Variants in ULK4 observed in about 807,000 individuals in gnomAD.
ULK4 encodes the protein unc-51 like kinase 4, also known as inactive serine/threonine-protein kinase ULK4.
ULK4 carries 133 observed loss-of-function variants against 160.6 expected under a neutral mutation model. The observed-to-expected ratio is 0.83, with a 90% CI of 0.72 to 0.96. The LOEUF is 0.96. Among genes scored for constraint, ULK4 ranks in the 40% least tolerant of loss-of-function variants. ULK4 has a pLI of 0.00. For missense variants in ULK4, 1,580 were observed against 1,499.5 expected (o/e 1.05, Z -0.89); for synonymous variants, 534 against 539.8 (o/e 0.99, Z 0.15).
At chr3:41,335,572 A>T (rs1010037175) in intron 35 of ULK4, among the ~76,000 whole-genome samples, 3 of 152,182 alleles carry the variant, frequency 2.0e-5, no homozygotes, top group Non-Finnish European at 4.4e-5. Flanking sequence ...CACTGATGAC[A>T]CAAGATATAA....
intron 22 of ULK4, among the ~76,000 whole-genome samples, chr3:41,729,838 A>G (rs144458611): frequency 2.0e-5 from 3 of 152,356 alleles, no homozygotes; most frequent in African/African-American, 7.2e-5. Flanking sequence ...AATACTGACT[A>G]TAGCTGAAAC....
intron 33 of ULK4, among the ~76,000 whole-genome samples, chr3:41,461,682 A>G (rs2083687433): frequency 6.6e-6 from 1 of 152,232 alleles, no homozygotes; most frequent in Admixed American, 6.5e-5. Flanking sequence ...TCCTTTCAAA[A>G]CATCCCTGAA....
intron 30 of ULK4, among the ~76,000 whole-genome samples, chr3:41,632,467 T>C (rs1482800125): frequency 6.6e-6 from 1 of 152,204 alleles, no homozygotes; most frequent in African/African-American, 2.4e-5. Context: ...ATTCACTTGA[T>C]AAACATTTGT....
In ULK4 at chr3:41,724,402, A is replaced by G. The variant is rs965755617; in HGVS notation, c.2322-6541T>C. 1.3e-5 allele frequency among the ~76,000 whole-genome samples: 2 copies of G among 152,154 alleles called. 1 individual carries two copies. The highest frequency in any genetic ancestry group is 4.1e-4 in the South Asian group (2 of 4,824). On this transcript the variant is annotated intron_variant, in intron 22 of 36. Transcript: ENST00000301831. ...GTTTTCTAAAGTGATCATTATGTCA[A>G]TTTATACTCCAACAGGTAGATATAA...
At chr3:41,826,751 G>A (rs79729571) in intron 18 of ULK4, among the ~76,000 whole-genome samples, 19,707 of 148,954 alleles carry the variant, frequency 0.13, 1,587 homozygotes, top group Admixed American at 0.21. Context: ...ACAGATCAAC[G>A]AGACAGAAAG....
chr3:41,379,071 G>T (rs990969242), intron 35 of ULK4, among the ~76,000 whole-genome samples: 1 of 151,956 alleles, frequency 6.6e-6, no homozygotes, highest in Non-Finnish European at 1.5e-5. Context: ...GGGAAGCAAG[G>T]GGAGGGCTGG....
At chr3:41,538,853 G>A (rs1450961841) in intron 32 of ULK4, among the ~76,000 whole-genome samples, 2 of 151,946 alleles carry the variant, frequency 1.3e-5, no homozygotes, top group Admixed American at 6.6e-5. Context: ...AAATGATGCT[G>A]TGTATGGTCT....
chr3:41,422,795 A>T (rs2082690903), intron 34 of ULK4, among the ~76,000 whole-genome samples: 1 of 152,200 alleles, frequency 6.6e-6, no homozygotes, highest in Non-Finnish European at 1.5e-5. Context: ...GTACTTATAA[A>T]ATAAAAACGT....
chr3:41,800,042 T>C, intron 20 of ULK4, 90 bp downstream of exon 20: 1 of 1,220,270 alleles, frequency 8.2e-7, no homozygotes, highest in Non-Finnish European at 1.1e-6. Flanking sequence ...TCCTATCTAT[T>C]AAATTAAATT....
In ULK4 at chr3:41,827,767, G is replaced by C. The variant is rs375782847; in HGVS notation, c.1764+8097C>G. 3.3e-5 allele frequency among the ~76,000 whole-genome samples: 5 copies of C among 152,116 alleles called. No individual in the cohort carries two copies. The East Asian group carries it at 7.7e-4, about 24-fold the overall frequency. ...CCTTCTGAAACTATTCCAATCAATA[G>C]AAAAAGAGGGAATCCTCCCTAACTC... On this transcript the variant is annotated intron_variant, in intron 18 of 36. Coordinates refer to ENST00000301831, the MANE Select transcript of ULK4 (RefSeq NM_017886.4).
chr3:41,806,399 T>C (rs971409238), intron 19 of ULK4, among the ~76,000 whole-genome samples: 7 of 152,186 alleles, frequency 4.6e-5, no homozygotes, highest in East Asian at 3.8e-4. Flanking sequence ...GTCTTGCTAG[T>C]GGTCTATCAG....
intron 18 of ULK4, among the ~76,000 whole-genome samples, chr3:41,832,825 G>T (rs922306853): frequency 8.5e-5 from 13 of 152,148 alleles, no homozygotes; most frequent in Non-Finnish European, 1.8e-4. Context: ...TGTCAGGTTT[G>T]TTGAAAATCA....
intron 7 of ULK4, among the ~76,000 whole-genome samples, chr3:41,918,060 C>T (rs1472003143): frequency 6.6e-6 from 1 of 151,898 alleles, no homozygotes; most frequent in Non-Finnish European, 1.5e-5. Context: ...ATAAGGGTAG[C>T]ATTCTGATTC....
At chr3:41,643,822 C>G (rs573073325) in intron 30 of ULK4, among the ~76,000 whole-genome samples, 95 of 152,256 alleles carry the variant, frequency 6.2e-4, no homozygotes, top group African/African-American at 2.1e-3. Flanking sequence ...TCCTACCCAT[C>G]AGCATGGAAT....
Position 41,715,946 on chromosome 3 carries a change from GC to G in ULK4, c.2456-379del, listed in dbSNP as rs536120228. On this transcript the variant is annotated intron_variant, in intron 23 of 36. Coordinates refer to ENST00000301831, the MANE Select transcript of ULK4 (RefSeq NM_017886.4). ...AATAATAAATGGGCCAGGCGCAGTG[GC>G]TCATGCCTGTAATCCTAGCACTTTG... is the stretch of plus-strand genomic sequence containing the variant. 7.6e-3 allele frequency among the ~76,000 whole-genome samples: 1,154 copies of G among 151,886 alleles called. 16 individuals carry two copies. The highest frequency in any genetic ancestry group is 7.1e-3 in the Non-Finnish European group (480 of 67,958).
intron 5 of ULK4, among the ~76,000 whole-genome samples, chr3:41,928,532 C>A (rs1310119367): frequency 2.9e-5 from 1 of 34,178 alleles, no homozygotes; most frequent in African/African-American, 4.2e-5. Flanking sequence ...CACGAAAAAC[C>A]CTTCAAAAAA....
chr3:41,827,361 T>A (rs1366645695), intron 18 of ULK4, among the ~76,000 whole-genome samples: 2 of 151,886 alleles, frequency 1.3e-5, no homozygotes, highest in Non-Finnish European at 1.5e-5. Context: ...AAACAATCAG[T>A]GAATCCAGGA....
At chr3:41,924,090 T>C (rs1699293256) in intron 5 of ULK4, among the ~76,000 whole-genome samples, 1 of 152,158 alleles carries the variant, frequency 6.6e-6, no homozygotes, top group Admixed American at 6.5e-5. Flanking sequence ...TCGATATTAT[T>C]TTTATGCAGC....
chr3:41,463,842 TG>T (rs748230487), intron 32 of ULK4, among the ~76,000 whole-genome samples: 8 of 152,294 alleles, frequency 5.3e-5, no homozygotes, highest in Non-Finnish European at 1.2e-4. Flanking sequence ...TTTCACATTT[TG>T]GGGGTGTTAT....
Sources: gnomAD v4.1 joint callset for allele counts (sites outside exome capture counted in the v4.1 genomes callset) on GRCh38, gnomAD v4.1.1 for gene constraint, MANE v1.5 for transcripts, NCBI Gene and HGNC (gene_info 2026-07-23, HGNC 2026-07-21) for gene names.